Variants in DIP2C observed in about 807,000 individuals in gnomAD.
The protein encoded by DIP2C is disco-interacting protein 2 homolog C.
DIP2C carries 33 observed loss-of-function variants against 192.4 expected under a neutral mutation model. That is an observed-to-expected ratio of 0.17 (90% confidence interval 0.13 to 0.23). The LOEUF is 0.23. Among genes scored for constraint, DIP2C ranks in the 10% least tolerant of loss-of-function variants. The pLI, the probability that DIP2C is intolerant of heterozygous loss-of-function variation, is 1.00. For synonymous variants in DIP2C, 979 were observed against 864.1 expected, an observed-to-expected ratio of 1.13 and a Z score of -2.33; for missense variants, 1,537 against 2,110.1, an observed-to-expected ratio of 0.73 and a Z score of 5.32.
intron 1 of DIP2C, among the ~76,000 whole-genome samples, chr10:584,293 G>A (rs911374744): frequency 1.3e-5 from 2 of 152,214 alleles, no homozygotes; most frequent in Non-Finnish European, 2.9e-5. Context: ...ATGTCCTGTT[G>A]AAATGTTTTA....
chr10:422,765 G>A lies in DIP2C; in HGVS notation c.604+59C>T, dbSNP rs1966285565. 2 of 1,547,408 alleles carry A rather than the reference G, an allele frequency of 1.3e-6. 1 individual carries two copies. The highest frequency in any genetic ancestry group is 1.8e-6 in the Non-Finnish European group (2 of 1,141,594). On this transcript the variant is annotated intron_variant, in intron 5 of 36. Coordinates refer to ENST00000280886, the MANE Select transcript of DIP2C (RefSeq NM_014974.3). ...CGCTGCAACGATGCAAACAGAGAATGTGCACACACAAAGGCGTTTACACAA... is the reference window on the plus strand; with the variant it reads ...CGCTGCAACGATGCAAACAGAGAATATGCACACACAAAGGCGTTTACACAA...
At chr10:349,539 T>C (rs1281910480) in intron 24 of DIP2C, 85 bp from the exon 25 acceptor site, 3 of 1,510,994 alleles carry the variant, frequency 2.0e-6, no homozygotes, top group Non-Finnish European at 2.7e-6. Flanking sequence ...TACAACTCAC[T>C]GGCGCAAAGC....
chr10:630,457 A>G (rs1488170181), intron 1 of DIP2C: 1 of 152,288 alleles, frequency 6.6e-6, no homozygotes, highest in Non-Finnish European at 1.5e-5. Context: ...GGCATTATGA[A>G]TAATTAATAA....
At chr10:356,654 A>C in intron 23 of DIP2C, 148 bp from the exon 24 acceptor site, 1 of 627,020 alleles carries the variant, frequency 1.6e-6, no homozygotes. Flanking sequence ...AGTTGAAGAC[A>C]TGCATGCTGG....
intron 1 of DIP2C, among the ~76,000 whole-genome samples, chr10:582,758 C>A (rs558389616): frequency 1.3e-5 from 2 of 152,152 alleles, no homozygotes; most frequent in Non-Finnish European, 2.9e-5. Context: ...AGCGTGGCCA[C>A]GTGGCCGGCC....
chr10:556,841 C>T (rs1452671586), intron 1 of DIP2C, among the ~76,000 whole-genome samples: 1 of 152,228 alleles, frequency 6.6e-6, no homozygotes, highest in Non-Finnish European at 1.5e-5. Flanking sequence ...TGCTGTGAGC[C>T]CCGACCCTGG....
intron 1 of DIP2C, among the ~76,000 whole-genome samples, chr10:511,523 C>A (rs184654220): frequency 1.1e-4 from 16 of 152,312 alleles, no homozygotes; most frequent in African/African-American, 3.8e-4. Context: ...AAGAACATAG[C>A]ATTTACTTCT....
chr10:612,355 AAG>A (rs2131784206), intron 1 of DIP2C, among the ~76,000 whole-genome samples: 2 of 152,286 alleles, frequency 1.3e-5, no homozygotes, highest in South Asian at 4.1e-4. Flanking sequence ...TATCAGCTAA[AAG>A]AAAAATAATA....
At chr10:504,832 C>T (rs926457395) in intron 1 of DIP2C, among the ~76,000 whole-genome samples, 2 of 152,218 alleles carry the variant, frequency 1.3e-5, no homozygotes, top group African/African-American at 2.4e-5. Flanking sequence ...GGCTGCATCA[C>T]GGCTTTCATT....
At chr10:294,650 A>AGTGG (rs1955661735) in intron 32 of DIP2C, among the ~76,000 whole-genome samples, 1 of 152,114 alleles carries the variant, frequency 6.6e-6, no homozygotes, top group Non-Finnish European at 1.5e-5. Context: ...TGTGGCAAAG[A>AGTGG]GTGGGATAAA....
intron 3 of DIP2C, among the ~76,000 whole-genome samples, chr10:471,138 T>A (rs1024078717): frequency 6.6e-6 from 1 of 152,092 alleles, no homozygotes; most frequent in African/African-American, 2.4e-5. Flanking sequence ...CTTCATTCCA[T>A]CCGCACACAT....
At chr10:655,678 C>T (rs965938119) in intron 1 of DIP2C, among the ~76,000 whole-genome samples, 10 of 152,140 alleles carry the variant, frequency 6.6e-5, no homozygotes, top group Admixed American at 3.3e-4. Context: ...TGCAATACTA[C>T]GTTGTTAGTT....
intron 26 of DIP2C, among the ~76,000 whole-genome samples, chr10:346,236 C>T (rs1347623724): frequency 7.0e-5 from 1 of 14,188 alleles, no homozygotes; most frequent in African/African-American, 2.1e-4. Flanking sequence ...AGACATATCG[C>T]GTATAGTTCT....
chr10:276,069 G>A lies in DIP2C; in HGVS notation c.*1256C>T, dbSNP rs758650286. On this transcript the variant is annotated 3_prime_UTR_variant, in exon 37 of 37. Transcript: ENST00000280886. ...TGACCACAGAATCGCATTCCTTTTCGTAGCAAGGACCAAAAAAAGATGACA... is the reference window on the plus strand; with the variant it reads ...TGACCACAGAATCGCATTCCTTTTCATAGCAAGGACCAAAAAAAGATGACA... The A allele has an allele frequency of 3.9e-5, 6 of 152,388 alleles. No individual in the cohort carries two copies. Among genetic ancestry groups the A allele is most frequent in the African/African-American group, 1.2e-4 (5 of 41,408 alleles). The allele number at this position is 152,388 out of a possible 1,614,324, so 9.4% of individuals were successfully genotyped here.
At chr10:358,232 A>G (rs562904355) in intron 22 of DIP2C, among the ~76,000 whole-genome samples, 1 of 152,078 alleles carries the variant, frequency 6.6e-6, no homozygotes, top group East Asian at 2.0e-4. Flanking sequence ...GCCGGCACTC[A>G]CAGCCATGAT....
intron 29 of DIP2C, among the ~76,000 whole-genome samples, chr10:339,951 C>T (rs1263931703): frequency 1.3e-5 from 2 of 152,052 alleles, no homozygotes; most frequent in African/African-American, 2.4e-5. Flanking sequence ...GAGGGCGAGG[C>T]GGGCAGATCA....
rs994413461 is a variant in DIP2C, at chr10:394,507, G to A, written c.1261-3644C>T. ...GGAAGGACATTATGCCACACAGTGG[G>A]CGCTATTCAGCCTTCAGGGAGGAGG... On this transcript the variant is annotated intron_variant, in intron 10 of 36. Transcript: ENST00000280886. Among the ~76,000 whole-genome samples the A allele has an allele frequency of 2.6e-5, 4 of 151,444 alleles. No homozygotes were observed. The East Asian group carries it at 7.8e-4, about 29-fold the overall frequency.
chr10:295,423 C>T (rs540951312), intron 32 of DIP2C, among the ~76,000 whole-genome samples: 2 of 151,288 alleles, frequency 1.3e-5, no homozygotes, highest in South Asian at 2.1e-4. Flanking sequence ...TAGCCGGGTG[C>T]GGTGGCGGGC....
At chr10:640,117 G>C (rs951931276) in intron 1 of DIP2C, among the ~76,000 whole-genome samples, 1 of 152,192 alleles carries the variant, frequency 6.6e-6, no homozygotes, top group Non-Finnish European at 1.5e-5. Context: ...CGCCACGCCT[G>C]TGGGCCTGTG....
Sources: gnomAD v4.1 joint callset for allele counts (sites outside exome capture counted in the v4.1 genomes callset) on GRCh38, gnomAD v4.1.1 for gene constraint, MANE v1.5 for transcripts, NCBI Gene and HGNC (gene_info 2026-07-23, HGNC 2026-07-21) for gene names.